MEGF8: variants seen among roughly 807,000 people sequenced by gnomAD.
MEGF8 encodes multiple EGF like domains 8.
Under a neutral mutation model 302.9 loss-of-function variants are expected in MEGF8, and 156 were observed. That is an observed-to-expected ratio of 0.52 (90% CI 0.45 to 0.59). MEGF8 has a LOEUF of 0.59. Among genes scored for constraint, MEGF8 ranks in the 20% least tolerant of loss-of-function variants. The pLI, the probability that MEGF8 is intolerant of heterozygous loss-of-function variation, is 0.00. For synonymous variants in MEGF8, 1,621 were observed against 1,660.5 expected (o/e 0.98, Z 0.58); for missense variants, 3,345 against 3,964.5 (o/e 0.84, Z 4.20).
chr19:42,335,012 C>T, intron 3 of MEGF8, 23 bp from the exon 4 acceptor site: 1 of 1,592,816 alleles, frequency 6.3e-7, no homozygotes, highest in Non-Finnish European at 8.5e-7. Context: ...CTTATCTCTG[C>T]CTTTATGTCT....
Position 42,344,082 on chromosome 19 carries a change from C to A in MEGF8, c.1788+9C>A. 6.2e-7 allele frequency: 1 copy of A among 1,612,548 alleles called. No individual in the cohort carries two copies. Among genetic ancestry groups the A allele is most frequent in the Non-Finnish European group, 8.5e-7 (1 of 1,179,478 alleles). On this transcript the variant is annotated intron_variant, in intron 10 of 41. Transcript: ENST00000251268. This position sits in a 1 kb window ranked among gnomAD's most constrained non-coding sequence, Gnocchi z 4.5. ...GGACCCCCTTGGGGGCTGTGAGTGA[C>A]AGCCCTAGACCCTCTGTTCCCTAGC...
At chr19:42,363,329 C>A in intron 35 of MEGF8, 67 bp downstream of exon 35, 1 of 1,359,994 alleles carries the variant, frequency 7.4e-7, no homozygotes, top group Non-Finnish European at 1.0e-6. Context: ...TCTGCGCTGG[C>A]AGGGACCTTT....
At position 42,362,570 on chromosome 19, in the gene MEGF8, A is replaced by C; in HGVS notation, c.6031A>C (p.Met2011Leu). The change falls in exon 34 of 42, where the codon ATG becomes CTG. Residue 2011 changes from methionine to leucine, a missense_variant. Transcript: ENST00000251268. Reference protein sequence around the residue: ...CEQCTREGKCMWTRQFKRTGE... With the variant: ...CEQCTREGKCLWTRQFKRTGE... ...GCAGTGCACGCGGGAGGGCAAGTGC[A>C]TGTGGACGCGGCAGTTCAAGAGGAC... 2 of 1,611,922 alleles carry C rather than the reference A, an allele frequency of 1.2e-6. No homozygotes were observed. Among genetic ancestry groups the C allele is most frequent in the Non-Finnish European group, 1.7e-6 (2 of 1,179,666 alleles).
chr19:42,355,055 C>T (rs2147482676), intron 23 of MEGF8, among the ~76,000 whole-genome samples: 1 of 152,266 alleles, frequency 6.6e-6, no homozygotes, highest in African/African-American at 2.4e-5. Context: ...CTCCTGGGCT[C>T]CAGCGATTCT....
Position 42,335,222 on chromosome 19 carries a change from A to G in MEGF8, c.739+7A>G. ...CTGCTGGCAGTTTTCGGAGGTGAGC[A>G]GATGGGGCGAGTATCTGGGATCTGG... On this transcript the variant is annotated splice_region_variant and intron_variant, in intron 4 of 41. Transcript: ENST00000251268. The G allele has an allele frequency of 6.2e-7, 1 of 1,613,994 alleles. No individual in the cohort carries two copies. Among genetic ancestry groups the G allele is most frequent in the Non-Finnish European group, 8.5e-7 (1 of 1,179,888 alleles).
chr19:42,352,287 G>T lies in MEGF8; in HGVS notation c.3181G>T (p.Val1061Leu). 6.4e-7 allele frequency: 1 copy of T among 1,569,398 alleles called. No homozygotes were observed. Among genetic ancestry groups the T allele is most frequent in the Non-Finnish European group, 8.6e-7 (1 of 1,157,328 alleles). Reference sequence around the variant, plus strand: ...GGTGGGGGAGGGCCTGGGGCTTCCCGTGGCCCTCCCTGCCCGCTGGGCATA... The same window carrying T: ...GGTGGGGGAGGGCCTGGGGCTTCCCTTGGCCCTCCCTGCCCGCTGGGCATA... Reference protein sequence around the residue: ...LWVGEGLGLPVALPARWAYAR... With the variant: ...LWVGEGLGLPLALPARWAYAR... Residue 1061 changes from valine (V) to leucine (L), a missense_variant, in exon 19 of 42, where the codon GTG becomes TTG. Transcript: ENST00000251268. The surrounding 1 kb of genome is among the most constrained non-coding windows in gnomAD (Gnocchi z 4.4).
At chr19:42,338,370 G>A (rs995489254) in intron 8 of MEGF8, among the ~76,000 whole-genome samples, 3 of 152,088 alleles carry the variant, frequency 2.0e-5, no homozygotes, top group Admixed American at 6.5e-5. Flanking sequence ...CTCCTAAGTA[G>A]CTGGGAGTAT....
chr19:42,350,055 A>C, intron 14 of MEGF8, 93 bp from the exon 15 acceptor site: 1 of 1,033,642 alleles, frequency 9.7e-7, no homozygotes, highest in Non-Finnish European at 1.4e-6. Context: ...CTGAGTTCTC[A>C]ACCTGGGCTC....
Position 42,352,010 on chromosome 19 carries a change from T to C in MEGF8, c.3102-198T>C, listed in dbSNP as rs1377628382. ...TCTGTCTCTCCGCTCTCCCTTTCAC[T>C]GCATCTCTGTCTATGTCTCTCTTCT... On this transcript the variant is annotated intron_variant, in intron 18 of 41. Transcript: ENST00000251268. This position sits in a 1 kb window ranked among gnomAD's most constrained non-coding sequence, Gnocchi z 4.4. Among the ~76,000 whole-genome samples, 1 of 152,200 alleles carries C rather than the reference T, an allele frequency of 6.6e-6. No homozygotes were observed. The highest frequency in any genetic ancestry group is 1.5e-5 in the Non-Finnish European group (1 of 68,030).
At position 42,356,359 on chromosome 19, in the gene MEGF8, C is replaced by T. The variant is rs774663979; in HGVS notation, c.4528C>T (p.Arg1510Cys). The change falls in exon 26 of 42, where the codon CGC (arginine) becomes TGC (cysteine). Residue 1510 changes from arginine (R) to cysteine (C), a missense_variant. Arg to Cys is a radical substitution (Grantham distance 180). Transcript: ENST00000251268. This position sits in a 1 kb window ranked among gnomAD's most constrained non-coding sequence, Gnocchi z 5.2. ...GGACACTGCCAGCCGCTTCCTGCACCGCCTGGGCCACACCATGGTGGATGG... is the reference window on the plus strand; with the variant it reads ...GGACACTGCCAGCCGCTTCCTGCACTGCCTGGGCCACACCATGGTGGATGG... ...SADTASRFLH[R>C]LGHTMVDGPD... The T allele has an allele frequency of 1.1e-5, 17 of 1,612,906 alleles. No homozygotes were observed. In the Admixed American group the frequency reaches 1.2e-4, roughly 11 times the overall value.
In MEGF8 at chr19:42,334,158, A is replaced by G; in HGVS notation, c.503A>G (p.Asp168Gly). 6.2e-7 allele frequency: 1 copy of G among 1,611,154 alleles called. No individual in the cohort carries two copies. The highest frequency in any genetic ancestry group is 8.5e-7 in the Non-Finnish European group (1 of 1,179,556). Residue 168 changes from aspartate to glycine, a missense_variant, in exon 3 of 42, where the codon GAC becomes GGC. Physicochemically the swap from Asp to Gly is moderately conservative, Grantham distance 94. Transcript: ENST00000251268. ...TGCGAGCCGGGCTGGGGGGGTCCTG[A>G]CTGTGGCCTGCAGGAGTGCTCAGCC... ...CACEPGWGGP[D>G]CGLQECSAYC...
intron 8 of MEGF8, among the ~76,000 whole-genome samples, chr19:42,337,698 G>T (rs556324504): frequency 1.5e-4 from 23 of 151,906 alleles, no homozygotes; most frequent in Middle Eastern, 6.8e-3. Context: ...AGTAGAGACG[G>T]GGTTTCACCG....
chr19:42,378,512 ACCT>A lies in MEGF8; in HGVS notation c.*1741_*1743del, dbSNP rs930657615. On this transcript the variant is annotated 3_prime_UTR_variant, in exon 42 of 42. Transcript: ENST00000251268. ...TGAGGCGCCACCCCGCACCTGAGCC[ACCT>A]CCTTGGACTCCTGTCCTCTACCCCT... 2.0e-5 allele frequency: 3 copies of A among 153,764 alleles called. No individual in the cohort carries two copies. The highest frequency in any genetic ancestry group is 7.3e-5 in the African/African-American group (3 of 41,374). The allele number at this position is 153,764 out of a possible 1,614,324, so 9.5% of individuals were successfully genotyped here.
In MEGF8 at chr19:42,344,067, G is replaced by T; in HGVS notation, c.1782G>T (p.Leu594Phe). 1 of 1,613,200 alleles carries T rather than the reference G, an allele frequency of 6.2e-7. No individual in the cohort carries two copies. The highest frequency in any genetic ancestry group is 1.1e-5 in the South Asian group (1 of 91,078). Reference protein sequence around the residue: ...CQAAPPPGTPLGACPAASCLG... With the variant: ...CQAAPPPGTPFGACPAASCLG... ...CTGCACCCCCTCCTGGGACCCCCTTGGGGGCTGTGAGTGACAGCCCTAGAC... is the reference window on the plus strand; with the variant it reads ...CTGCACCCCCTCCTGGGACCCCCTTTGGGGCTGTGAGTGACAGCCCTAGAC... The change falls in exon 10 of 42, where the codon TTG becomes TTT. Residue 594 changes from leucine to phenylalanine, a missense_variant. By Grantham distance (22) the Leu-to-Phe change is conservative. Coordinates refer to ENST00000251268, the MANE Select transcript of MEGF8 (RefSeq NM_001271938.2). This position sits in a 1 kb window ranked among gnomAD's most constrained non-coding sequence, Gnocchi z 4.5.
At position 42,360,889 on chromosome 19, in the gene MEGF8, T is replaced by C; in HGVS notation, c.5603T>C (p.Leu1868Pro). The C allele has an allele frequency of 6.2e-7, 1 of 1,613,510 alleles. No homozygotes were observed. The highest frequency in any genetic ancestry group is 8.5e-7 in the Non-Finnish European group (1 of 1,179,874). ...GGGGGAGTGGCCCTGGGCCGCCTGC[T>C]GGCACTGACCCTGCCCCCTGACCCC... ...GFGGVALGRLLALTLPPDPCR... is the reference protein window; with the variant it reads ...GFGGVALGRLPALTLPPDPCR... The change falls in exon 32 of 42, where the codon CTG (leucine) becomes CCG (proline). Residue 1868 changes from leucine to proline, a missense_variant. Physicochemically the swap from Leu to Pro is moderately conservative, Grantham distance 98. Coordinates refer to ENST00000251268, the MANE Select transcript of MEGF8 (RefSeq NM_001271938.2).
chr19:42,332,057 A>C (rs551161033), intron 1 of MEGF8, among the ~76,000 whole-genome samples: 5 of 151,858 alleles, frequency 3.3e-5, no homozygotes, highest in Non-Finnish European at 7.4e-5. Flanking sequence ...GGGTTTCACC[A>C]TGTTGGCCAG....
chr19:42,343,700 GA>G, intron 9 of MEGF8, 69 bp downstream of exon 9: 1 of 1,497,100 alleles, frequency 6.7e-7, no homozygotes, highest in Admixed American at 2.1e-5. Flanking sequence ...CAGGTGAGGG[GA>G]AAGGCAGGAG....
At position 42,355,841 on chromosome 19, in the gene MEGF8, G is replaced by C; in HGVS notation, c.4228G>C (p.Gly1410Arg). The C allele has an allele frequency of 6.4e-7, 1 of 1,567,672 alleles. No individual in the cohort carries two copies. The highest frequency in any genetic ancestry group is 2.4e-5 in the East Asian group (1 of 42,302). ...ASVGSARCGS[G>R]GPGSCPVPQE... The stretch of plus-strand genomic sequence containing the variant: ...GGTGGGCTCTGCCCGCTGTGGGTCA[G>C]GGGGCCCCGGGAGCTGTCCCGTCCC... Residue 1410 changes from glycine to arginine, a missense_variant, in exon 24 of 42, where the codon GGG (glycine) becomes CGG (arginine). Physicochemically the swap from Gly to Arg is moderately radical, Grantham distance 125. Transcript: ENST00000251268.
chr19:42,376,682 G>A lies in MEGF8; in HGVS notation c.8445G>A (p.Gly2815=). ...GGCACAGGCTGCACGAGTACTGTGG[G>A]GGTGGTGGGGGTGCTGGGGGCAGTG... ...TLRHRLHEYC[G]GGGGAGGSGH... The change falls in exon 42 of 42, where the codon GGG becomes GGA. Residue 2815 remains glycine (G), a synonymous_variant. Transcript: ENST00000251268. This position sits in a 1 kb window ranked among gnomAD's most constrained non-coding sequence, Gnocchi z 8.2. 6.6e-7 allele frequency: 1 copy of A among 1,517,824 alleles called. No homozygotes were observed. Among genetic ancestry groups the A allele is most frequent in the South Asian group, 1.2e-5 (1 of 80,140 alleles). 94.0% of individuals were successfully genotyped at this position (1,517,824 alleles called of 1,614,324 possible). A position where few individuals can be genotyped will look rare whatever the true frequency, so the allele number is the denominator to read the frequency against.
Sources: gnomAD v4.1 joint callset for allele counts (sites outside exome capture counted in the v4.1 genomes callset) on GRCh38, gnomAD v4.1.1 for gene constraint, Gnocchi (gnomAD v3.1) non-coding constraint, MANE v1.5 for transcripts, NCBI Gene and HGNC (gene_info 2026-07-23, HGNC 2026-07-21) for gene names.